Variants in PARD3 observed in about 807,000 individuals in gnomAD.
The protein encoded by PARD3 is partitioning defective 3 homolog.
PARD3 carries 75 observed loss-of-function variants against 155.4 expected under a neutral mutation model. The observed-to-expected ratio is 0.48, with a 90% CI of 0.40 to 0.58. The LOEUF (loss-of-function observed/expected upper bound fraction) is 0.58, where lower values mean the gene tolerates loss of function less well. Among genes scored for constraint, PARD3 ranks in the 20% least tolerant of loss-of-function variants. The probability of loss-of-function intolerance (pLI) is 0.00; values close to 1 mark genes in which losing one functional copy is unlikely to be tolerated. For missense variants in PARD3, 1,642 were observed against 1,721.7 expected (o/e 0.95, Z 0.82); for synonymous variants, 576 against 610.5 (o/e 0.94, Z 0.83).
At chr10:34,640,316 C>T (rs1392536544) in intron 2 of PARD3, among the ~76,000 whole-genome samples, 5 of 152,116 alleles carry the variant, frequency 3.3e-5, no homozygotes, top group African/African-American at 7.2e-5. Flanking sequence ...ATCATATGCA[C>T]CTTTTAAAAG....
intron 4 of PARD3, among the ~76,000 whole-genome samples, chr10:34,459,176 T>A (rs2077490203): frequency 6.6e-6 from 1 of 151,548 alleles, no homozygotes; most frequent in Admixed American, 6.6e-5. Context: ...TTTTCTTTCT[T>A]TTTTTTTTGA....
chr10:34,390,556 A>G (rs1277949344), intron 7 of PARD3, among the ~76,000 whole-genome samples: 1 of 152,202 alleles, frequency 6.6e-6, no homozygotes, highest in Non-Finnish European at 1.5e-5. Flanking sequence ...TGTAAGGAGT[A>G]GGGCTAAGTG....
chr10:34,672,833 G>A (rs1324307), intron 2 of PARD3, among the ~76,000 whole-genome samples: 5,051 of 152,302 alleles, frequency 0.033, 292 homozygotes, highest in African/African-American at 0.12. Flanking sequence ...TCTGTTGCCT[G>A]CTTTACTTAG....
chr10:34,219,570 G>T (rs1156762016), intron 22 of PARD3, among the ~76,000 whole-genome samples: 2 of 152,110 alleles, frequency 1.3e-5, no homozygotes, highest in African/African-American at 2.4e-5. Flanking sequence ...ATGAGATCTG[G>T]GTGAAAAATC....
chr10:34,130,361 A>G (rs151012755), intron 23 of PARD3, among the ~76,000 whole-genome samples: 77 of 152,240 alleles, frequency 5.1e-4, no homozygotes, highest in African/African-American at 1.7e-3. Flanking sequence ...GCTTTCTGCC[A>G]TGTCTATCTT....
At chr10:34,448,093 C>T (rs2076848963) in intron 5 of PARD3, among the ~76,000 whole-genome samples, 1 of 151,716 alleles carries the variant, frequency 6.6e-6, no homozygotes, top group Non-Finnish European at 1.5e-5. Flanking sequence ...CCTAAGTGAC[C>T]TGCAACCGAT....
intron 3 of PARD3, among the ~76,000 whole-genome samples, chr10:34,491,160 C>G (rs1389641248): frequency 6.6e-6 from 1 of 152,188 alleles, no homozygotes; most frequent in Non-Finnish European, 1.5e-5. Context: ...TTACCCTTGC[C>G]TCATTTCAAG....
intron 1 of PARD3, among the ~76,000 whole-genome samples, chr10:34,813,835 T>G (rs1386897124): frequency 6.6e-6 from 1 of 152,076 alleles, no homozygotes; most frequent in Non-Finnish European, 1.5e-5. Flanking sequence ...CCCAAACGAA[T>G]GCGCTCCCCA....
At chr10:34,217,403 T>G (rs1368007447) in intron 22 of PARD3, among the ~76,000 whole-genome samples, 1 of 152,078 alleles carries the variant, frequency 6.6e-6, no homozygotes, top group Non-Finnish European at 1.5e-5. Context: ...AACACTCCCT[T>G]TGTACAAGTC....
intron 7 of PARD3, among the ~76,000 whole-genome samples, chr10:34,385,337 T>C (rs1373990824): frequency 1.3e-5 from 2 of 152,104 alleles, no homozygotes; most frequent in African/African-American, 2.4e-5. Context: ...GGTTTCACCA[T>C]GTTGGCTAGG....
At chr10:34,194,445 C>T (rs1950850270) in intron 22 of PARD3, among the ~76,000 whole-genome samples, 1 of 152,044 alleles carries the variant, frequency 6.6e-6, no homozygotes, top group Admixed American at 6.6e-5. Flanking sequence ...GATGTAAAAC[C>T]AAGATCGCAC....
chr10:34,158,042 C>T (rs1472287743), intron 22 of PARD3, among the ~76,000 whole-genome samples: 1 of 152,138 alleles, frequency 6.6e-6, no homozygotes, highest in Non-Finnish European at 1.5e-5. Flanking sequence ...ATTCCTTTTA[C>T]CTCATTCTCT....
intron 3 of PARD3, among the ~76,000 whole-genome samples, chr10:34,472,085 T>C (rs759553524): frequency 3.3e-5 from 5 of 152,184 alleles, no homozygotes; most frequent in South Asian, 2.1e-4. Context: ...ATATGAAACA[T>C]AGTAATAACA....
chr10:34,714,424 C>T (rs1470819220), intron 1 of PARD3, among the ~76,000 whole-genome samples: 41 of 152,168 alleles, frequency 2.7e-4, no homozygotes, highest in Non-Finnish European at 2.9e-5. Flanking sequence ...TATCCAACTG[C>T]ACCTCGTGGC....
At chr10:34,412,340 T>C (rs1425335790) in intron 5 of PARD3, among the ~76,000 whole-genome samples, 1 of 152,152 alleles carries the variant, frequency 6.6e-6, no homozygotes, top group Non-Finnish European at 1.5e-5. Context: ...AAAATGAAGA[T>C]GCTGATACAA....
intron 22 of PARD3, among the ~76,000 whole-genome samples, chr10:34,269,419 C>A (rs1300961874): frequency 6.6e-6 from 1 of 152,136 alleles, no homozygotes; most frequent in Non-Finnish European, 1.5e-5. Context: ...AGGTATAAAA[C>A]CATCTTCAGA....
intron 5 of PARD3, among the ~76,000 whole-genome samples, chr10:34,442,728 A>G (rs1413982200): frequency 6.6e-6 from 1 of 152,174 alleles, no homozygotes; most frequent in African/African-American, 2.4e-5. Flanking sequence ...TTAATTAGCC[A>G]GGAGTGATGG....
chr10:34,528,608 T>C (rs916085465), intron 2 of PARD3, among the ~76,000 whole-genome samples: 3 of 152,234 alleles, frequency 2.0e-5, no homozygotes, highest in African/African-American at 7.2e-5. Context: ...ATGTTTCCTG[T>C]AAGTAGCAAG....
chr10:34,372,584 T>A (rs1231056982), intron 11 of PARD3, 48 bp from the exon 12 acceptor site: 2 of 1,289,456 alleles, frequency 1.6e-6, no homozygotes, highest in Non-Finnish European at 2.3e-6. Flanking sequence ...CAAAGCCATC[T>A]TCAACACACA....
Sources: gnomAD v4.1 joint callset for allele counts (sites outside exome capture counted in the v4.1 genomes callset) on GRCh38, gnomAD v4.1.1 for gene constraint, MANE v1.5 for transcripts, NCBI Gene and HGNC (gene_info 2026-07-23, HGNC 2026-07-21) for gene names.